Variants in STOX1 observed in about 807,000 individuals in gnomAD.
STOX1 encodes storkhead-box protein 1.
In STOX1, 57 loss-of-function variants were observed where a neutral mutation model predicts 74.8. The ratio of observed to expected loss-of-function variants is 0.76; its 90% CI spans 0.62 to 0.95. The LOEUF (loss-of-function observed/expected upper bound fraction) is 0.95, where lower values mean the gene tolerates loss of function less well. Among genes scored for constraint, STOX1 ranks in the 40% least tolerant of loss-of-function variants. The pLI, the probability that STOX1 is intolerant of heterozygous loss-of-function variation, is 0.00. For missense variants in STOX1, 1,010 were observed against 1,117.0 expected, an observed-to-expected ratio of 0.90 and a Z score of 1.37; for synonymous variants, 375 against 401.3, an observed-to-expected ratio of 0.93 and a Z score of 0.78.
At chr10:68,870,759 TGA>T (rs1312583192) in intron 1 of STOX1, among the ~76,000 whole-genome samples, 1 of 152,206 alleles carries the variant, frequency 6.6e-6, no homozygotes, top group Non-Finnish European at 1.5e-5. Context: ...TAGAGGTGAC[TGA>T]GAGAGGCTCC....
rs35174437 is a variant in STOX1 at position 68,888,802 on chromosome 10, ATTTTTTTTT to A, written c.2822+2208_2822+2216del. On this transcript the variant is annotated intron_variant, in intron 3 of 3. Transcript: ENST00000298596. ...AGGCATATGTCACTATGCCCAGCTA[ATTTTTTTTT>A]TTTTTTTTTTTTTTTTTTTTTTTGG... Among the ~76,000 whole-genome samples, 18 of 32,060 alleles carry A rather than the reference ATTTTTTTTT, an allele frequency of 5.6e-4. No individual in the cohort carries two copies. In the East Asian group the frequency reaches 0.01, roughly 19 times the overall value. The allele number at this position is 32,060 out of a possible 152,430, so 21.0% of individuals were successfully genotyped here.
chr10:68,878,886 A>C (rs1484095683), intron 1 of STOX1, among the ~76,000 whole-genome samples: 3 of 152,152 alleles, frequency 2.0e-5, no homozygotes, highest in Admixed American at 6.6e-5. Context: ...TTGACTCCCC[A>C]TTCAGCCCCA....
At chr10:68,883,542 C>T (rs1840862102) in intron 2 of STOX1, among the ~76,000 whole-genome samples, 1 of 151,874 alleles carries the variant, frequency 6.6e-6, no homozygotes, top group Non-Finnish European at 1.5e-5. Context: ...GCCTCCAAAG[C>T]ATCTGGTACT....
In STOX1 at chr10:68,892,789, A is replaced by G. The variant is rs1036199314; in HGVS notation, c.*53A>G. On this transcript the variant is annotated 3_prime_UTR_variant, in exon 4 of 4. Transcript: ENST00000298596. The stretch of plus-strand genomic sequence containing the variant: ...TTATAAAAAGGTAGAGCATTATTAC[A>G]GAATCTTTCAATCATGTAAGAATTG... 3.3e-5 allele frequency: 51 copies of G among 1,564,266 alleles called. No homozygotes were observed. Among genetic ancestry groups the G allele is most frequent in the Non-Finnish European group, 4.0e-5 (45 of 1,138,288 alleles).
chr10:68,879,925 G>A (rs1840769343), intron 1 of STOX1, among the ~76,000 whole-genome samples: 1 of 152,062 alleles, frequency 6.6e-6, no homozygotes, highest in South Asian at 2.1e-4. Context: ...TAACTTTCCT[G>A]GCTATAGGCT....
In STOX1 at chr10:68,853,067, C is replaced by T. The variant is rs542420113; in HGVS notation, c.310+25134C>T. On this transcript the variant is annotated intron_variant, in intron 1 of 3. Coordinates refer to ENST00000298596, the MANE Select transcript of STOX1 (RefSeq NM_152709.5). Reference sequence around the variant, plus strand: ...CCTCCCGAGTAGCTGGGATTACAGGCATGCGCCACCATGCCCAGCTAATTT... The same window carrying T: ...CCTCCCGAGTAGCTGGGATTACAGGTATGCGCCACCATGCCCAGCTAATTT... 1.2e-4 allele frequency among the ~76,000 whole-genome samples: 19 copies of T among 152,110 alleles called. 1 individual carries two copies. Among genetic ancestry groups the T allele is most frequent in the African/African-American group, 4.3e-4 (18 of 41,432 alleles).
At chr10:68,852,671 C>T (rs1210992906) in intron 1 of STOX1, among the ~76,000 whole-genome samples, 1 of 151,558 alleles carries the variant, frequency 6.6e-6, no homozygotes, top group Non-Finnish European at 1.5e-5. Flanking sequence ...GCAGCCTCAG[C>T]TCCTGGGCTC....
intron 1 of STOX1, among the ~76,000 whole-genome samples, chr10:68,881,532 G>C (rs377153171): frequency 6.6e-6 from 1 of 152,098 alleles, no homozygotes; most frequent in Non-Finnish European, 1.5e-5. Flanking sequence ...CATTACTTGA[G>C]TTTTCTATAA....
chr10:68,850,298 G>C (rs1409015691), intron 1 of STOX1, among the ~76,000 whole-genome samples: 20 of 152,198 alleles, frequency 1.3e-4, no homozygotes, highest in Admixed American at 1.2e-3. Flanking sequence ...ATCAGCCACT[G>C]CACCCAGAAT....
chr10:68,876,365 A>T (rs893262642), intron 1 of STOX1, among the ~76,000 whole-genome samples: 1 of 151,920 alleles, frequency 6.6e-6, no homozygotes, highest in African/African-American at 2.4e-5. Flanking sequence ...CACGTTGGTC[A>T]GGCTGGTCTC....
At chr10:68,871,741 G>C (rs1290043405) in intron 1 of STOX1, among the ~76,000 whole-genome samples, 3 of 152,130 alleles carry the variant, frequency 2.0e-5, no homozygotes, top group Admixed American at 2.0e-4. Context: ...TTACTGGCCT[G>C]GAACCTTTCT....
In STOX1 at chr10:68,886,003, A is replaced by G. The variant is rs376209010; in HGVS notation, c.2207A>G (p.Tyr736Cys). The change falls in exon 3 of 4, where the codon TAT (tyrosine) becomes TGT (cysteine). Residue 736 changes from tyrosine to cysteine, a missense_variant. Coordinates refer to ENST00000298596, the MANE Select transcript of STOX1 (RefSeq NM_152709.5). ...GATGATGGTGCCTGTAGTTCATTAT[A>G]TCTAGAGGAGGATGACATTTCTGAG... ...EDDDGACSSL[Y>C]LEEDDISEND... 3.1e-6 allele frequency: 5 copies of G among 1,614,100 alleles called. No individual in the cohort carries two copies. The highest frequency in any genetic ancestry group is 2.7e-5 in the African/African-American group (2 of 74,932).
At chr10:68,872,085 T>C (rs552020236) in intron 1 of STOX1, among the ~76,000 whole-genome samples, 49 of 152,286 alleles carry the variant, frequency 3.2e-4, no homozygotes, top group Admixed American at 7.2e-4. Context: ...GCATAGAAGA[T>C]ACCTTTCCCA....
chr10:68,829,867 C>T (rs1038662693), intron 1 of STOX1, among the ~76,000 whole-genome samples: 3 of 152,276 alleles, frequency 2.0e-5, no homozygotes, highest in African/African-American at 4.8e-5. Context: ...TCCTCACGAG[C>T]GAAGAGGTCT....
chr10:68,849,033 C>G (rs1839919045), intron 1 of STOX1, among the ~76,000 whole-genome samples: 1 of 152,196 alleles, frequency 6.6e-6, no homozygotes, highest in Non-Finnish European at 1.5e-5. Context: ...GGACCCACGT[C>G]TGGCATCTCA....
intron 3 of STOX1, among the ~76,000 whole-genome samples, chr10:68,891,560 T>A (rs35086750): frequency 0.12 from 18,139 of 152,028 alleles, 1,368 homozygotes; most frequent in Admixed American, 0.18. Flanking sequence ...TCCTAGCACT[T>A]TGGGAGGCTG....
intron 1 of STOX1, among the ~76,000 whole-genome samples, chr10:68,836,963 A>G (rs1839572001): frequency 6.6e-6 from 1 of 152,166 alleles, no homozygotes; most frequent in Admixed American, 6.6e-5. Context: ...TCACCAAGCA[A>G]CTGAAGCTAC....
chr10:68,856,102 T>C (rs1396521116), intron 1 of STOX1, among the ~76,000 whole-genome samples: 1 of 151,936 alleles, frequency 6.6e-6, no homozygotes. Flanking sequence ...GGTAGCAGGT[T>C]GGGAGAGCAG....
At chr10:68,832,674 A>AAAG (rs57368292) in intron 1 of STOX1, among the ~76,000 whole-genome samples, 90,574 of 149,124 alleles carry the variant, frequency 0.61, 27,406 homozygotes, top group East Asian at 0.65. Context: ...AAAAAAAAAA[A>AAAG]AAAGAAAGCA....
Sources: gnomAD v4.1 joint callset for allele counts (sites outside exome capture counted in the v4.1 genomes callset) on GRCh38, gnomAD v4.1.1 for gene constraint, MANE v1.5 for transcripts, NCBI Gene and HGNC (gene_info 2026-07-23, HGNC 2026-07-21) for gene names.